The following OTOGL variants were observed in gnomAD, a reference collection of about 807,000 sequenced individuals.
The protein encoded by OTOGL is otogelin like.
OTOGL carries 285 observed loss-of-function variants against 318.5 expected under a neutral mutation model. The observed-to-expected ratio is 0.89, with a 90% CI of 0.81 to 0.99. OTOGL has a LOEUF of 0.99. Ranked by LOEUF, OTOGL falls within the 50% of genes least tolerant of loss-of-function variation. The pLI, the probability that OTOGL is intolerant of heterozygous loss-of-function variation, is 0.00. For missense variants in OTOGL, 2,899 were observed against 2,845.6 expected (o/e 1.02, Z -0.43); for synonymous variants, 987 against 936.5 (o/e 1.05, Z -0.99).
intron 1 of OTOGL, among the ~76,000 whole-genome samples, chr12:80,182,114 T>C (rs1018195134): frequency 2.6e-5 from 4 of 152,134 alleles, no homozygotes; most frequent in Non-Finnish European, 5.9e-5. Context: ...ATCACGCCAC[T>C]GCACTCCAGT....
chr12:80,181,585 C>T (rs985655069), intron 1 of OTOGL, among the ~76,000 whole-genome samples: 5 of 151,870 alleles, frequency 3.3e-5, no homozygotes, highest in African/African-American at 7.3e-5. Flanking sequence ...CTGGTTGTAC[C>T]GTTGGAGTAT....
intron 43 of OTOGL, among the ~76,000 whole-genome samples, chr12:80,340,771 C>T (rs1014656204): frequency 8.5e-5 from 13 of 152,088 alleles, no homozygotes; most frequent in African/African-American, 3.1e-4. Context: ...AGGGTCTGAA[C>T]ACTGGAATGA....
At chr12:80,145,224 G>A (rs1333052915) in intron 1 of OTOGL, among the ~76,000 whole-genome samples, 3 of 150,770 alleles carry the variant, frequency 2.0e-5, no homozygotes, top group Non-Finnish European at 4.4e-5. Context: ...ATCTTGAATT[G>A]ACTTTTGTGT....
intron 37 of OTOGL, among the ~76,000 whole-genome samples, chr12:80,330,028 A>C (rs893239529): frequency 6.6e-6 from 1 of 152,238 alleles, no homozygotes; most frequent in African/African-American, 2.4e-5. Flanking sequence ...TGTTCCTATT[A>C]GAAGGACAGC....
At chr12:80,346,670 C>T (rs960465120) in intron 44 of OTOGL, among the ~76,000 whole-genome samples, 2 of 152,154 alleles carry the variant, frequency 1.3e-5, no homozygotes, top group African/African-American at 4.8e-5. Context: ...TCTGCCCACA[C>T]CCCGCCCCTG....
chr12:80,109,378 G>A (rs1011451024), intron 1 of OTOGL, among the ~76,000 whole-genome samples: 11 of 151,998 alleles, frequency 7.2e-5, no homozygotes, highest in Middle Eastern at 3.2e-3. Context: ...GGAGAAATGT[G>A]GTTTCCCAAA....
At chr12:80,186,286 C>G (rs554587251) in intron 1 of OTOGL, among the ~76,000 whole-genome samples, 2 of 152,306 alleles carry the variant, frequency 1.3e-5, no homozygotes, top group South Asian at 4.1e-4. Flanking sequence ...TGGTCCCTTT[C>G]TCCCTATATC....
At chr12:80,340,107 G>T (rs1017383360) in intron 43 of OTOGL, among the ~76,000 whole-genome samples, 1 of 152,114 alleles carries the variant, frequency 6.6e-6, no homozygotes, top group African/African-American at 2.4e-5. Flanking sequence ...TGTTGGTTTA[G>T]TACAAATATA....
chr12:80,241,117 G>C (rs1375970015), intron 11 of OTOGL, among the ~76,000 whole-genome samples: 1 of 152,004 alleles, frequency 6.6e-6, no homozygotes. Flanking sequence ...TATCAAAGGT[G>C]AGAACAAAGA....
At chr12:80,304,506 A>C (rs1885980696) in intron 28 of OTOGL, among the ~76,000 whole-genome samples, 1 of 152,196 alleles carries the variant, frequency 6.6e-6, no homozygotes, top group Non-Finnish European at 1.5e-5. Flanking sequence ...TCTTCTCAAA[A>C]ATACAGAAAA....
At chr12:80,202,427 C>G (rs986602167) in intron 1 of OTOGL, among the ~76,000 whole-genome samples, 8 of 151,938 alleles carry the variant, frequency 5.3e-5, no homozygotes, top group African/African-American at 1.9e-4. Context: ...CTCGACACCA[C>G]GCCTGGCTAA....
chr12:80,186,264 C>T lies in OTOGL; in HGVS notation c.-19-23149C>T, dbSNP rs191550491. 1.8e-3 allele frequency among the ~76,000 whole-genome samples: 276 copies of T among 152,290 alleles called. 2 individuals are homozygous for T. The highest frequency in any genetic ancestry group is 6.5e-3 in the African/African-American group (270 of 41,566). ...ATGCCCAGGTCTGAGATGTGAAACT[C>T]TGGGTTTATCTTGGTCCCTTTCTCC... On this transcript the variant is annotated intron_variant, in intron 1 of 58. Coordinates refer to ENST00000547103, the MANE Select transcript of OTOGL (RefSeq NM_001378609.3).
At chr12:80,176,366 T>G (rs139723004) in intron 1 of OTOGL, among the ~76,000 whole-genome samples, 43 of 152,286 alleles carry the variant, frequency 2.8e-4, no homozygotes, top group African/African-American at 9.1e-4. Flanking sequence ...TTCCATATGT[T>G]TCCTTGTGTC....
intron 4 of OTOGL, among the ~76,000 whole-genome samples, chr12:80,213,122 A>C (rs1416299925): frequency 6.6e-6 from 1 of 152,226 alleles, no homozygotes; most frequent in Non-Finnish European, 1.5e-5. Context: ...ATTTCTGACC[A>C]TATGCTAAAC....
intron 9 of OTOGL, among the ~76,000 whole-genome samples, chr12:80,233,715 A>G (rs1400463504): frequency 2.0e-5 from 3 of 152,200 alleles, no homozygotes; most frequent in African/African-American, 7.2e-5. Flanking sequence ...GTGATAGAAT[A>G]AGAGAATCAC....
intron 1 of OTOGL, among the ~76,000 whole-genome samples, chr12:80,103,732 A>G (rs1259095946): frequency 1.3e-5 from 2 of 152,236 alleles, no homozygotes; most frequent in South Asian, 2.1e-4. Flanking sequence ...GAACATAGTA[A>G]TAGCTGAATA....
At chr12:80,196,775 T>C (rs1183593276) in intron 1 of OTOGL, among the ~76,000 whole-genome samples, 1 of 152,208 alleles carries the variant, frequency 6.6e-6, no homozygotes, top group Non-Finnish European at 1.5e-5. Context: ...TTTTCTCTGA[T>C]GATTTAGGGC....
At chr12:80,149,909 G>A (rs1007119678) in intron 1 of OTOGL, among the ~76,000 whole-genome samples, 2 of 152,000 alleles carry the variant, frequency 1.3e-5, no homozygotes, top group East Asian at 1.9e-4. Flanking sequence ...ACCCTGCTTC[G>A]GCTCATGCAC....
rs754322154 is a variant in OTOGL, at chr12:80,279,099, G to A, written c.2861G>A (p.Arg954Gln). ...CPAVCTIYGD[R>Q]HYYSFDGLEY... ...GCAGTGTGCACAATATACGGGGACC[G>A]ACATTATTATTCTTTTGATGGACTA... is the stretch of plus-strand genomic sequence containing the variant. The change falls in exon 26 of 59, where the codon CGA becomes CAA. Residue 954 changes from arginine (R) to glutamine (Q), a missense_variant. Arg to Gln is a conservative substitution (Grantham distance 43, BLOSUM62 1). Coordinates refer to ENST00000547103, the MANE Select transcript of OTOGL (RefSeq NM_001378609.3). The A allele has an allele frequency of 4.4e-5, 70 of 1,593,174 alleles. No individual in the cohort carries two copies. Among genetic ancestry groups the A allele is most frequent in the South Asian group, 6.6e-5 (6 of 90,874 alleles).
Sources: allele counts gnomAD v4.1 joint callset (sites outside exome capture counted in the v4.1 genomes callset), GRCh38; gene constraint gnomAD v4.1.1; transcripts MANE v1.5; gene names NCBI Gene and HGNC (gene_info 2026-07-23, HGNC 2026-07-21).